The following ARHGAP12 variants were observed in gnomAD, a reference collection of about 807,000 sequenced individuals.
ARHGAP12 encodes rho GTPase-activating protein 12.
In ARHGAP12, 64 loss-of-function variants were observed where a neutral mutation model predicts 108.6. The observed-to-expected ratio is 0.59, with a 90% CI of 0.48 to 0.73. The LOEUF (loss-of-function observed/expected upper bound fraction) is 0.73, where lower values mean the gene tolerates loss of function less well. Ranked by LOEUF, ARHGAP12 falls within the 30% of genes least tolerant of loss-of-function variation. The pLI is 0.00. For missense variants in ARHGAP12, 940 were observed against 1,005.9 expected (o/e 0.93, Z 0.89); for synonymous variants, 312 against 337.2 (o/e 0.93, Z 0.82).
intron 1 of ARHGAP12, among the ~76,000 whole-genome samples, chr10:31,927,732 A>G: frequency 6.6e-6 from 1 of 152,226 alleles, no homozygotes; most frequent in East Asian, 1.9e-4. Flanking sequence ...CTGCAGCTGC[A>G]GTCAAAAGGA....
chr10:31,839,627 T>C lies in ARHGAP12; in HGVS notation c.1371+10A>G, dbSNP rs774831807. The C allele has an allele frequency of 5.0e-6, 8 of 1,590,964 alleles. No homozygotes were observed. Among genetic ancestry groups the C allele is most frequent in the Middle Eastern group, 1.7e-4 (1 of 5,928 alleles). On this transcript the variant is annotated intron_variant, in intron 8 of 19. Coordinates refer to ENST00000344936, the MANE Select transcript of ARHGAP12 (RefSeq NM_018287.7). ...GACTACATTATAAGATATGCTTCTA[T>C]CATACTAACTGTATCTTGGTGCTTT...
chr10:31,875,004 T>TAAAAAAA (rs1184804393), intron 3 of ARHGAP12, among the ~76,000 whole-genome samples: 2 of 113,826 alleles, frequency 1.8e-5, no homozygotes, highest in African/African-American at 3.0e-5. Context: ...AAAAAAAAAT[T>TAAAAAAA]TTCACACACA....
At chr10:31,897,357 C>T (rs374370155) in intron 3 of ARHGAP12, among the ~76,000 whole-genome samples, 10 of 152,136 alleles carry the variant, frequency 6.6e-5, no homozygotes, top group East Asian at 3.9e-4. Flanking sequence ...CAGCTCATGA[C>T]GCACACACAC....
rs181550250 is a variant in ARHGAP12, at chr10:31,919,520, C to G, written c.-110-8957G>C. Among the ~76,000 whole-genome samples, 19 of 152,308 alleles carry G rather than the reference C, an allele frequency of 1.2e-4. No homozygotes were observed. In the East Asian group the frequency reaches 3.7e-3, roughly 29 times the overall value. The stretch of plus-strand genomic sequence containing the variant: ...TTAAAAGTAGATATAGGGCCAGGCG[C>G]GGTGGCTCACGCCTGTAATCCCAGC... On this transcript the variant is annotated intron_variant, in intron 1 of 19. Coordinates refer to ENST00000344936, the MANE Select transcript of ARHGAP12 (RefSeq NM_018287.7).
Position 31,863,317 on chromosome 10 carries a change from T to C in ARHGAP12, c.685-1659A>G, listed in dbSNP as rs1450721774. Reference sequence around the variant, plus strand: ...AAATTCTGTTAATATAAAAATTCTATATGGCAAATCATGTCTCAGAACCTA... The same window carrying C: ...AAATTCTGTTAATATAAAAATTCTACATGGCAAATCATGTCTCAGAACCTA... On this transcript the variant is annotated intron_variant, in intron 3 of 19. Transcript: ENST00000344936. Among the ~76,000 whole-genome samples the C allele has an allele frequency of 1.9e-4, 29 of 152,188 alleles. 1 individual carries two copies. The highest frequency in any genetic ancestry group is 1.7e-3 in the Admixed American group (26 of 15,280).
intron 6 of ARHGAP12, among the ~76,000 whole-genome samples, chr10:31,844,647 T>C (rs1836384729): frequency 6.6e-6 from 1 of 150,984 alleles, no homozygotes; most frequent in Non-Finnish European, 1.5e-5. Flanking sequence ...GATGTTCCTG[T>C]CCCAGCCATT....
intron 1 of ARHGAP12, among the ~76,000 whole-genome samples, chr10:31,919,617 C>T (rs1011389395): frequency 6.7e-6 from 1 of 150,270 alleles, no homozygotes; most frequent in African/African-American, 2.5e-5. Context: ...ACGGTGAAAC[C>T]GTCTCTACTA....
At chr10:31,927,130 T>G (rs760176557) in intron 1 of ARHGAP12, among the ~76,000 whole-genome samples, 12 of 152,200 alleles carry the variant, frequency 7.9e-5, no homozygotes, top group Non-Finnish European at 1.6e-4. Context: ...CGCACATATG[T>G]GCGCAGACGG....
chr10:31,820,822 G>A (rs751692860), intron 11 of ARHGAP12, among the ~76,000 whole-genome samples: 1 of 150,944 alleles, frequency 6.6e-6, no homozygotes, highest in Non-Finnish European at 1.5e-5. Context: ...GACTAAAAAG[G>A]CCTCATATGC....
At chr10:31,881,821 C>T in intron 3 of ARHGAP12, among the ~76,000 whole-genome samples, 1 of 151,782 alleles carries the variant, frequency 6.6e-6, no homozygotes, top group East Asian at 1.9e-4. Flanking sequence ...ATATTCATAA[C>T]TAGCATATTA....
chr10:31,917,640 T>C (rs1839618444), intron 1 of ARHGAP12, among the ~76,000 whole-genome samples: 1 of 152,122 alleles, frequency 6.6e-6, no homozygotes, highest in South Asian at 2.1e-4. Context: ...TGTTTACCAA[T>C]CCCCCATGTT....
chr10:31,827,599 G>A (rs1835664432), intron 10 of ARHGAP12, among the ~76,000 whole-genome samples: 2 of 152,112 alleles, frequency 1.3e-5, no homozygotes, highest in Non-Finnish European at 1.5e-5. Flanking sequence ...AGACCATCCT[G>A]GCTAACATGG....
chr10:31,855,353 G>A (rs1234103339), intron 4 of ARHGAP12, among the ~76,000 whole-genome samples: 1 of 152,148 alleles, frequency 6.6e-6, no homozygotes, highest in African/African-American at 2.4e-5. Flanking sequence ...GCACTCATGT[G>A]CAAATGACCC....
At chr10:31,858,268 T>C (rs1202002624) in intron 4 of ARHGAP12, among the ~76,000 whole-genome samples, 1 of 152,002 alleles carries the variant, frequency 6.6e-6, no homozygotes, top group South Asian at 2.1e-4. Context: ...GTGGTAAAAA[T>C]CAGGATTAAT....
intron 11 of ARHGAP12, among the ~76,000 whole-genome samples, chr10:31,820,732 AT>A (rs1835385033): frequency 6.7e-6 from 1 of 149,206 alleles, no homozygotes; most frequent in Non-Finnish European, 1.5e-5. Flanking sequence ...ATATATATAT[AT>A]ATATAAAGCC....
In ARHGAP12 at chr10:31,861,274, C is replaced by A; in HGVS notation, c.948+121G>T. Reference sequence around the variant, plus strand: ...AAGCTTGGAAAGAATTTTTAATGATCTTAGAGATCACGTGTTTTAACATGC... The same window carrying A: ...AAGCTTGGAAAGAATTTTTAATGATATTAGAGATCACGTGTTTTAACATGC... On this transcript the variant is annotated intron_variant, in intron 4 of 19. Coordinates refer to ENST00000344936, the MANE Select transcript of ARHGAP12 (RefSeq NM_018287.7). 3.3e-6 allele frequency: 4 copies of A among 1,201,062 alleles called. No homozygotes were observed. The Admixed American group carries it at 1.0e-4, about 31-fold the overall frequency. The allele number at this position is 1,201,062 out of a possible 1,614,324, so 74.4% of individuals were successfully genotyped here.
At chr10:31,846,966 C>T (rs900996982) in intron 6 of ARHGAP12, among the ~76,000 whole-genome samples, 7 of 128,514 alleles carry the variant, frequency 5.4e-5, no homozygotes, top group Non-Finnish European at 9.4e-5. Context: ...ATAATTTCTA[C>T]TAACCTATCT....
chr10:31,914,627 C>A (rs1839481632), intron 1 of ARHGAP12, among the ~76,000 whole-genome samples: 1 of 152,024 alleles, frequency 6.6e-6, no homozygotes, highest in African/African-American at 2.4e-5. Context: ...TGGCTATTAT[C>A]AAAAAGGCAA....
rs1476088343 is a variant in ARHGAP12 at position 31,908,769 on chromosome 10, G to A, written c.87C>T (p.Asp29=). The part of the protein sequence containing the change: ...VEYDYEYEAK[D]RKIVIKQGER... Reference sequence around the variant, plus strand: ...CCCCTTGTTTTATCACAATCTTTCTGTCCTTTGCTTCATATTCATAATCAT... The same window carrying A: ...CCCCTTGTTTTATCACAATCTTTCTATCCTTTGCTTCATATTCATAATCAT... The change falls in exon 3 of 20, where the codon GAC becomes GAT. Residue 29 remains aspartate, a synonymous_variant. Transcript: ENST00000344936. 12 of 1,612,912 alleles carry A rather than the reference G, an allele frequency of 7.4e-6. No homozygotes were observed. In the South Asian group the frequency reaches 1.2e-4, roughly 16 times the overall value.
Sources: allele counts gnomAD v4.1 joint callset (sites outside exome capture counted in the v4.1 genomes callset), GRCh38; gene constraint gnomAD v4.1.1; transcripts MANE v1.5; gene names NCBI Gene and HGNC (gene_info 2026-07-23, HGNC 2026-07-21).